PHACTR3: variants seen among roughly 807,000 people sequenced by gnomAD.
PHACTR3 encodes the protein protein phosphatase 1, regulatory subunit 123.
PHACTR3 carries 16 observed loss-of-function variants against 66.8 expected under a neutral mutation model. The ratio of observed to expected loss-of-function variants is 0.24; its 90% CI spans 0.16 to 0.36. The LOEUF (loss-of-function observed/expected upper bound fraction) is 0.36, where lower values mean the gene tolerates loss of function less well. Ranked by LOEUF, PHACTR3 falls within the 10% of genes least tolerant of loss-of-function variation. The pLI is 1.00. For missense variants in PHACTR3, 647 were observed against 719.9 expected (o/e 0.90, Z 1.16); for synonymous variants, 323 against 292.1 (o/e 1.11, Z -1.08).
chr20:59,803,282 G>T (rs2041470853), intron 7 of PHACTR3, among the ~76,000 whole-genome samples: 1 of 152,138 alleles, frequency 6.6e-6, no homozygotes, highest in African/African-American at 2.4e-5. Flanking sequence ...TTGTTTTGCT[G>T]TAAACATGTG....
At chr20:59,785,644 G>A (rs2040879428) in intron 7 of PHACTR3, among the ~76,000 whole-genome samples, 1 of 152,276 alleles carries the variant, frequency 6.6e-6, no homozygotes, top group South Asian at 2.1e-4. Context: ...CCAGCTCCAC[G>A]CTGACAGGGA....
intron 1 of PHACTR3, among the ~76,000 whole-genome samples, chr20:59,652,704 A>AT (rs1351611034): frequency 4.0e-5 from 6 of 151,846 alleles, no homozygotes; most frequent in Non-Finnish European, 2.9e-5. Flanking sequence ...AAGAGTGTAC[A>AT]TTTTTTCATC....
chr20:59,834,861 G>A (rs759814201), intron 8 of PHACTR3, among the ~76,000 whole-genome samples: 3 of 152,056 alleles, frequency 2.0e-5, no homozygotes, highest in African/African-American at 4.8e-5. Context: ...AGCTTCCCTG[G>A]GCCACACTGG....
At chr20:59,715,187 C>T (rs1238199129) in intron 1 of PHACTR3, among the ~76,000 whole-genome samples, 3 of 151,864 alleles carry the variant, frequency 2.0e-5, no homozygotes, top group Admixed American at 1.3e-4. Flanking sequence ...AAATAAAGAC[C>T]TTCTTGTCTC....
At chr20:59,787,353 A>G (rs1477785661) in intron 7 of PHACTR3, among the ~76,000 whole-genome samples, 1 of 152,196 alleles carries the variant, frequency 6.6e-6, no homozygotes, top group African/African-American at 2.4e-5. Flanking sequence ...GCTGAGATCC[A>G]GAGGAGGAGC....
intron 8 of PHACTR3, among the ~76,000 whole-genome samples, chr20:59,818,029 T>C (rs747920035): frequency 6.6e-6 from 1 of 152,218 alleles, no homozygotes; most frequent in Non-Finnish European, 1.5e-5. Context: ...CCTCCAGGGC[T>C]ACCACTGTCA....
In PHACTR3 at chr20:59,769,298, A is replaced by T. The variant is rs1182484; in HGVS notation, c.751+1903A>T. 4.8e-3 allele frequency among the ~76,000 whole-genome samples: 734 copies of T among 152,208 alleles called. 3 individuals carry two copies. The highest frequency in any genetic ancestry group is 0.017 in the African/African-American group (691 of 41,518). ...TCAGAACATGACCTTGTTTGGAATAAGGGTCTCTCAACTGCCATTAAGTTA... is the reference window on the plus strand; with the variant it reads ...TCAGAACATGACCTTGTTTGGAATATGGGTCTCTCAACTGCCATTAAGTTA... On this transcript the variant is annotated intron_variant, in intron 5 of 12. Transcript: ENST00000371015.
At chr20:59,747,735 CTG>C (rs2039426381) in intron 2 of PHACTR3, 21 bp from the exon 3 acceptor site, 1 of 1,611,790 alleles carries the variant, frequency 6.2e-7, no homozygotes, top group Non-Finnish European at 8.5e-7. Context: ...TGAGACTCAC[CTG>C]TGTGTTTGTG....
At chr20:59,761,984 G>A (rs887380605) in intron 4 of PHACTR3, among the ~76,000 whole-genome samples, 1 of 152,178 alleles carries the variant, frequency 6.6e-6, no homozygotes, top group Admixed American at 6.5e-5. Flanking sequence ...AACAGATGTT[G>A]CAATTTCAGT....
At chr20:59,605,162 G>C in intron 1 of PHACTR3, 30 bp downstream of exon 1, 6 of 923,112 alleles carry the variant, frequency 6.5e-6, no homozygotes, top group South Asian at 2.9e-5. Context: ...CGGCGGGCGG[G>C]TCGGGGAGGC....
intron 1 of PHACTR3, among the ~76,000 whole-genome samples, chr20:59,660,350 C>T (rs561192468): frequency 3.3e-5 from 5 of 152,178 alleles, no homozygotes; most frequent in Non-Finnish European, 7.4e-5. Context: ...AAAAATTAGC[C>T]GGGCATGGTG....
chr20:59,641,258 A>T (rs1344829784), intron 1 of PHACTR3, among the ~76,000 whole-genome samples: 1 of 151,842 alleles, frequency 6.6e-6, no homozygotes, highest in African/African-American at 2.4e-5. Flanking sequence ...CTCTCTCTCT[A>T]TCATTTTCAT....
chr20:59,745,227 G>C (rs529850534), intron 2 of PHACTR3, among the ~76,000 whole-genome samples: 1 of 152,232 alleles, frequency 6.6e-6, no homozygotes, highest in Non-Finnish European at 1.5e-5. Context: ...GGGAAGGCAC[G>C]TCTGTGCAGC....
chr20:59,785,657 A>C (rs1211502820), intron 7 of PHACTR3, among the ~76,000 whole-genome samples: 2 of 152,196 alleles, frequency 1.3e-5, no homozygotes, highest in Non-Finnish European at 2.9e-5. Context: ...GACAGGGACC[A>C]TATAGTCAGT....
intron 2 of PHACTR3, among the ~76,000 whole-genome samples, chr20:59,747,436 G>T (rs1366631349): frequency 2.0e-5 from 3 of 152,238 alleles, no homozygotes; most frequent in African/African-American, 4.8e-5. Context: ...GGAACATTTG[G>T]TGAAGGGCAG....
In PHACTR3 at chr20:59,738,954, TCA is replaced by T. The variant is rs1351503207; in HGVS notation, c.119-4150_119-4149del. ...CAGGCTTTCCCAGGGCCATGTGGAG[TCA>T]CAGTCTTGCTCCCATCTGGTGTCTG... is the stretch of plus-strand genomic sequence containing the variant. On this transcript the variant is annotated intron_variant, in intron 1 of 12. Transcript: ENST00000371015. The surrounding 1 kb of genome is among the most constrained non-coding windows in gnomAD (Gnocchi z 4.4). Among the ~76,000 whole-genome samples, 1 of 151,836 alleles carries T rather than the reference TCA, an allele frequency of 6.6e-6. No homozygotes were observed. The highest frequency in any genetic ancestry group is 1.9e-4 in the East Asian group (1 of 5,182).
intron 7 of PHACTR3, among the ~76,000 whole-genome samples, chr20:59,793,490 T>A (rs1323719442): frequency 6.6e-6 from 1 of 152,222 alleles, no homozygotes; most frequent in Non-Finnish European, 1.5e-5. Context: ...AGAATACAGA[T>A]CTTTCATCTC....
chr20:59,711,836 A>C (rs2037923718), intron 1 of PHACTR3, among the ~76,000 whole-genome samples: 1 of 152,142 alleles, frequency 6.6e-6, no homozygotes. Context: ...TAACTTGTAG[A>C]GTTTAATTTT....
chr20:59,618,161 A>G (rs576803256), intron 1 of PHACTR3, among the ~76,000 whole-genome samples: 1 of 152,366 alleles, frequency 6.6e-6, no homozygotes, highest in African/African-American at 2.4e-5. Context: ...TGCAAAGGCC[A>G]GGTGGTGGGG....
Sources: gnomAD v4.1 joint callset for allele counts (sites outside exome capture counted in the v4.1 genomes callset) on GRCh38, gnomAD v4.1.1 for gene constraint, Gnocchi (gnomAD v3.1) non-coding constraint, MANE v1.5 for transcripts, NCBI Gene and HGNC (gene_info 2026-07-23, HGNC 2026-07-21) for gene names.